Variants in NUP210 observed in about 807,000 individuals in gnomAD.
NUP210 encodes the protein nucleoporin 210, also known as nuclear pore membrane glycoprotein 210.
In NUP210, 151 loss-of-function variants were observed where a neutral mutation model predicts 196.0. That is an observed-to-expected ratio of 0.77 (90% CI 0.67 to 0.88). NUP210 has a LOEUF of 0.88. Among genes scored for constraint, NUP210 ranks in the 40% least tolerant of loss-of-function variants. The pLI is 0.00. For missense variants in NUP210, 2,314 were observed against 2,493.7 expected (o/e 0.93, Z 1.53); for synonymous variants, 1,070 against 1,052.7 (o/e 1.02, Z -0.32).
Position 13,339,914 on chromosome 3 carries a change from A to G in NUP210, c.3411T>C (p.Thr1137=), listed in dbSNP as rs149937449. The G allele has an allele frequency of 1.1e-4, 176 of 1,613,922 alleles. No individual in the cohort carries two copies. The highest frequency in any genetic ancestry group is 1.4e-4 in the Non-Finnish European group (162 of 1,180,052). The part of the protein sequence containing the change: ...LVQGLAIGNG[T]VSGLVQAVDA... The stretch of plus-strand genomic sequence containing the variant: ...CCACTGCCTGCACGAGCCCAGACAC[A>G]GTGCCGTTCCCGATGGCGAGGCCCT... Residue 1137 remains threonine, a synonymous_variant, in exon 25 of 40, where the codon ACT becomes ACC. Transcript: ENST00000254508.
At chr3:13,344,336 C>T (rs982976880) in intron 20 of NUP210, among the ~76,000 whole-genome samples, 2 of 152,322 alleles carry the variant, frequency 1.3e-5, no homozygotes, top group East Asian at 3.9e-4. Flanking sequence ...GCGCATATTT[C>T]AGTCAGGTGG....
chr3:13,388,879 A>C (rs1699375209), intron 4 of NUP210, among the ~76,000 whole-genome samples: 1 of 152,198 alleles, frequency 6.6e-6, no homozygotes, highest in Admixed American at 6.5e-5. Flanking sequence ...GCTCCTGTCC[A>C]ACCTCCCCGG....
chr3:13,361,924 A>T (rs1350898792), intron 14 of NUP210, among the ~76,000 whole-genome samples: 2 of 151,996 alleles, frequency 1.3e-5, no homozygotes. Context: ...TCCTTGTCTC[A>T]CTTAGGCGAC....
intron 1 of NUP210, among the ~76,000 whole-genome samples, chr3:13,408,715 G>A (rs978973888): frequency 7.3e-5 from 11 of 150,824 alleles, no homozygotes; most frequent in Admixed American, 5.3e-4. Flanking sequence ...TTGAACTCAG[G>A]AGGCAGAGGT....
chr3:13,366,766 C>T (rs940405658), intron 13 of NUP210, among the ~76,000 whole-genome samples: 6 of 151,570 alleles, frequency 4.0e-5, no homozygotes, highest in African/African-American at 9.7e-5. Context: ...ATCCACCCCC[C>T]TCAGCCTCCC....
At chr3:13,412,791 G>A (rs1020523966) in intron 1 of NUP210, among the ~76,000 whole-genome samples, 16 of 151,472 alleles carry the variant, frequency 1.1e-4, no homozygotes, top group African/African-American at 3.9e-4. Flanking sequence ...CTAACATGGT[G>A]AAACCCCGTC....
chr3:13,371,687 G>T, intron 13 of NUP210, 147 bp downstream of exon 13: 2 of 724,890 alleles, frequency 2.8e-6, no homozygotes, highest in South Asian at 1.8e-5. Flanking sequence ...AACAGACTGT[G>T]GATCAGGAGA....
rs139979059 is a variant in NUP210, at chr3:13,402,919, G to A, written c.168-3058C>T. 1.7e-3 allele frequency among the ~76,000 whole-genome samples: 258 copies of A among 152,006 alleles called. 1 individual carries two copies. The highest frequency in any genetic ancestry group is 3.6e-3 in the Admixed American group (55 of 15,264). ...GACCTCACAATCACTCAGAACACTC[G>A]CAGCTGACATGAGGGTGCACAGTCG... On this transcript the variant is annotated intron_variant, in intron 1 of 39. Coordinates refer to ENST00000254508, the MANE Select transcript of NUP210 (RefSeq NM_024923.4).
intron 2 of NUP210, among the ~76,000 whole-genome samples, 193 bp from the exon 3 acceptor site, chr3:13,397,681 G>T (rs1292736946): frequency 6.6e-6 from 1 of 152,200 alleles, no homozygotes; most frequent in Non-Finnish European, 1.5e-5. Flanking sequence ...GGCTGTGGGG[G>T]CCTTGTCACC....
At position 13,323,159 on chromosome 3, in the gene NUP210, G is replaced by A. The variant is rs1696606846; in HGVS notation, c.4768+150C>T. The A allele has an allele frequency of 1.1e-6, 1 of 926,128 alleles. No homozygotes were observed. The highest frequency in any genetic ancestry group is 1.6e-6 in the Non-Finnish European group (1 of 619,704). 57.4% of individuals were successfully genotyped at this position (926,128 alleles called of 1,614,324 possible). On this transcript the variant is annotated intron_variant, in intron 34 of 39. Coordinates refer to ENST00000254508, the MANE Select transcript of NUP210 (RefSeq NM_024923.4). This position sits in a 1 kb window ranked among gnomAD's most constrained non-coding sequence, Gnocchi z 4.3. ...GAGGACTCCAATTTCAGAAACGCTG[G>A]AAGGAGTGGATGAGTGGGGGCTAAA... is the stretch of plus-strand genomic sequence containing the variant.
In NUP210 at chr3:13,323,207, AGT is replaced by A; in HGVS notation, c.4768+100_4768+101del. On this transcript the variant is annotated intron_variant, in intron 34 of 39. Transcript: ENST00000254508. This position sits in a 1 kb window ranked among gnomAD's most constrained non-coding sequence, Gnocchi z 4.3. ...AAATGCCCTCTCTGGAGTTGGTGTG[AGT>A]GTGAATAGGAGAAGCAGATAAACTC... 1 of 1,433,842 alleles carries A rather than the reference AGT, an allele frequency of 7.0e-7. No individual in the cohort carries two copies. The highest frequency in any genetic ancestry group is 9.6e-7 in the Non-Finnish European group (1 of 1,043,646). The allele number at this position is 1,433,842 out of a possible 1,614,324, so 88.8% of individuals were successfully genotyped here.
At position 13,337,078 on chromosome 3, in the gene NUP210, C is replaced by T. The variant is rs552989433; in HGVS notation, c.3553-160G>A. 637 of 816,460 alleles carry T rather than the reference C, an allele frequency of 7.8e-4. 11 individuals carry two copies. In the South Asian group the frequency reaches 9.9e-3, roughly 13 times the overall value. 50.6% of individuals were successfully genotyped at this position (816,460 alleles called of 1,614,324 possible). A position where few individuals can be genotyped will look rare whatever the true frequency, so the allele number is the denominator to read the frequency against. On this transcript the variant is annotated intron_variant, in intron 26 of 39. Coordinates refer to ENST00000254508, the MANE Select transcript of NUP210 (RefSeq NM_024923.4). ...TTGGGAATTTTGATGAAATATCAAA[C>T]GAGCAAACCAGAGGTGGGACTGTTT...
chr3:13,370,478 TG>T (rs1300065016), intron 13 of NUP210, among the ~76,000 whole-genome samples: 1 of 152,084 alleles, frequency 6.6e-6, no homozygotes, highest in Non-Finnish European at 1.5e-5. Context: ...CCCAGGCCTG[TG>T]GAACTCCAAG....
At chr3:13,346,346 C>T (rs1697727315) in intron 20 of NUP210, among the ~76,000 whole-genome samples, 1 of 152,224 alleles carries the variant, frequency 6.6e-6, no homozygotes, top group African/African-American at 2.4e-5. Context: ...GCTCACACCA[C>T]ACAGCTTCTC....
At chr3:13,366,571 G>A (rs567544991) in intron 13 of NUP210, among the ~76,000 whole-genome samples, 1 of 143,132 alleles carries the variant, frequency 7.0e-6, no homozygotes, top group South Asian at 2.2e-4. Context: ...AGGCTGGAGT[G>A]CAGTGGTGCT....
intron 1 of NUP210, among the ~76,000 whole-genome samples, chr3:13,413,992 T>C (rs9831778): frequency 0.071 from 10,762 of 152,302 alleles, 544 homozygotes; most frequent in African/African-American, 0.13. Context: ...CACTGTCGCA[T>C]GAGGCCCCAC....
At position 13,316,593 on chromosome 3, in the gene NUP210, TG is replaced by T; in HGVS notation, c.*1087del. 1 of 152,370 alleles carries T rather than the reference TG, an allele frequency of 6.6e-6. No homozygotes were observed. 9.4% of individuals were successfully genotyped at this position (152,370 alleles called of 1,614,324 possible). On this transcript the variant is annotated 3_prime_UTR_variant, in exon 40 of 40. Coordinates refer to ENST00000254508, the MANE Select transcript of NUP210 (RefSeq NM_024923.4). ...TCCAAGGGTCTCCTCCCCCAGGCCC[TG>T]GGGAGTCCCTTCTGGATGGGCAGGC...
At chr3:13,358,149 G>A in intron 16 of NUP210, 73 bp downstream of exon 16, 2 of 1,407,620 alleles carry the variant, frequency 1.4e-6, no homozygotes, top group South Asian at 1.3e-5. Flanking sequence ...CGGGACCATG[G>A]GCGAGGCCAC....
At chr3:13,377,671 C>CCCCA (rs1698961514) in intron 8 of NUP210, 109 bp from the exon 9 acceptor site, 1 of 738,888 alleles carries the variant, frequency 1.4e-6, no homozygotes. Flanking sequence ...ACACGAGAAG[C>CCCCA]CCCACTCCAC....
Sources: allele counts gnomAD v4.1 joint callset (sites outside exome capture counted in the v4.1 genomes callset), GRCh38; gene constraint gnomAD v4.1.1; non-coding constraint Gnocchi (gnomAD v3.1); transcripts MANE v1.5; gene names NCBI Gene and HGNC (gene_info 2026-07-23, HGNC 2026-07-21).